Variants in RBMS3 observed in about 807,000 individuals in gnomAD.
RBMS3 encodes RNA binding motif single stranded interacting protein 3, also known as RNA-binding motif, single-stranded-interacting protein 3.
A neutral mutation model predicts 66.8 loss-of-function variants in RBMS3; 27 were observed. The ratio of observed to expected loss-of-function variants is 0.40; its 90% CI spans 0.30 to 0.56. The LOEUF (loss-of-function observed/expected upper bound fraction) is 0.56. RBMS3 is among the 20% of genes least tolerant of loss of function. The pLI, the probability that RBMS3 is intolerant of heterozygous loss-of-function variation, is 0.40. For missense variants in RBMS3, 513 were observed against 549.5 expected, an observed-to-expected ratio of 0.93 and a Z score of 0.66; for synonymous variants, 188 against 183.0, an observed-to-expected ratio of 1.03 and a Z score of -0.22.
At chr3:29,314,323 A>G (rs1005418883) in intron 1 of RBMS3, among the ~76,000 whole-genome samples, 24 of 151,690 alleles carry the variant, frequency 1.6e-4, no homozygotes, top group African/African-American at 5.8e-4. Context: ...CTCATGTATT[A>G]TGGGATTGAA....
At chr3:29,841,716 C>G (rs908965915) in intron 6 of RBMS3, among the ~76,000 whole-genome samples, 1 of 151,984 alleles carries the variant, frequency 6.6e-6, no homozygotes, top group Middle Eastern at 3.2e-3. Context: ...ATATAGAGAT[C>G]TTTTGAGACT....
intron 3 of RBMS3, among the ~76,000 whole-genome samples, chr3:29,527,034 G>T (rs1294341404): frequency 6.6e-6 from 1 of 151,944 alleles, no homozygotes; most frequent in Non-Finnish European, 1.5e-5. Flanking sequence ...GTAAAAAAGT[G>T]CAGGGGCTAT....
intron 2 of RBMS3, among the ~76,000 whole-genome samples, chr3:29,485,943 A>G (rs1047465343): frequency 9.9e-5 from 15 of 152,204 alleles, no homozygotes; most frequent in African/African-American, 3.6e-4. Context: ...AAATGAGGTT[A>G]TATACCTGAA....
intron 10 of RBMS3, among the ~76,000 whole-genome samples, chr3:29,928,079 C>G (rs1296588671): frequency 6.6e-6 from 1 of 151,366 alleles, no homozygotes; most frequent in Non-Finnish European, 1.5e-5. Context: ...TAACGCAGCT[C>G]TAGGTTGCAC....
At chr3:29,508,548 G>A (rs1052529702) in intron 3 of RBMS3, among the ~76,000 whole-genome samples, 1 of 152,078 alleles carries the variant, frequency 6.6e-6, no homozygotes, top group Non-Finnish European at 1.5e-5. Flanking sequence ...TTTTGTGGCT[G>A]CTTAGTATTC....
At chr3:29,893,413 T>G (rs1251725003) in intron 8 of RBMS3, among the ~76,000 whole-genome samples, 1 of 151,558 alleles carries the variant, frequency 6.6e-6, no homozygotes, top group East Asian at 1.9e-4. Flanking sequence ...GCTTTCATTT[T>G]TAATACTCCA....
intron 3 of RBMS3, among the ~76,000 whole-genome samples, chr3:29,557,473 G>A (rs1048505702): frequency 3.3e-5 from 5 of 152,204 alleles, no homozygotes; most frequent in South Asian, 2.1e-4. Flanking sequence ...CAAGTAAGAC[G>A]CTTAGGTAGC....
At chr3:29,961,018 A>G (rs1319160443) in intron 12 of RBMS3, among the ~76,000 whole-genome samples, 1 of 152,184 alleles carries the variant, frequency 6.6e-6, no homozygotes, top group East Asian at 1.9e-4. Flanking sequence ...TTCTGCAGCC[A>G]GCTTGAATTT....
At chr3:29,805,760 C>T (rs1163616300) in intron 6 of RBMS3, among the ~76,000 whole-genome samples, 1 of 151,780 alleles carries the variant, frequency 6.6e-6, no homozygotes, top group East Asian at 1.9e-4. Context: ...ACTAAAGAGT[C>T]AAAATTTAAA....
intron 1 of RBMS3, among the ~76,000 whole-genome samples, chr3:29,356,585 G>A (rs75049799): frequency 0.053 from 8,059 of 152,178 alleles, 312 homozygotes; most frequent in African/African-American, 0.097. Flanking sequence ...CTTGCCAAAT[G>A]TGCATATGAA....
intron 6 of RBMS3, among the ~76,000 whole-genome samples, chr3:29,853,061 GA>G (rs2058976535): frequency 6.6e-6 from 1 of 152,198 alleles, no homozygotes; most frequent in Non-Finnish European, 1.5e-5. Context: ...TGCAGGAACA[GA>G]AAATCAAATA....
chr3:29,893,425 T>C (rs550276450), intron 8 of RBMS3, among the ~76,000 whole-genome samples: 3 of 151,634 alleles, frequency 2.0e-5, no homozygotes, highest in African/African-American at 7.2e-5. Context: ...AATACTCCAA[T>C]TGGCGCATTT....
At chr3:29,649,199 A>G (rs1477135865) in intron 4 of RBMS3, among the ~76,000 whole-genome samples, 1 of 151,846 alleles carries the variant, frequency 6.6e-6, no homozygotes, top group Admixed American at 6.6e-5. Flanking sequence ...TAGTTTTTGA[A>G]TAGGTAACAT....
chr3:29,815,927 A>G (rs2057878490), intron 6 of RBMS3, among the ~76,000 whole-genome samples: 1 of 151,768 alleles, frequency 6.6e-6, no homozygotes, highest in African/African-American at 2.4e-5. Context: ...GTACTCCAAA[A>G]ACTATTGAAA....
At chr3:29,310,180 A>G (rs2125463881) in intron 1 of RBMS3, among the ~76,000 whole-genome samples, 1 of 151,828 alleles carries the variant, frequency 6.6e-6, no homozygotes, top group South Asian at 2.1e-4. Context: ...TCTTTCTTTA[A>G]GAGAGGAAGA....
intron 6 of RBMS3, among the ~76,000 whole-genome samples, chr3:29,825,607 G>T (rs938254194): frequency 7.2e-5 from 11 of 152,136 alleles, no homozygotes; most frequent in Admixed American, 1.3e-4. Flanking sequence ...ACATGACTTT[G>T]CTTCTCCTTT....
At chr3:29,640,068 G>A (rs183122616) in intron 4 of RBMS3, among the ~76,000 whole-genome samples, 1 of 151,954 alleles carries the variant, frequency 6.6e-6, no homozygotes, top group African/African-American at 2.4e-5. Flanking sequence ...CCACTGCTAT[G>A]TCACTATATT....
rs138545300 is a variant in RBMS3, at chr3:29,961,659, T to C, written c.1098+17405T>C. On this transcript the variant is annotated intron_variant, in intron 12 of 14. Coordinates refer to ENST00000383767, the MANE Select transcript of RBMS3 (RefSeq NM_001003793.3). ...TGAAGGAAATATATCCTTCTTCACA[T>C]GGTGGAAGGAAGAAGTGCCAAGCAA... Among the ~76,000 whole-genome samples, 1,081 of 152,110 alleles carry C rather than the reference T, an allele frequency of 7.1e-3. 4 individuals are homozygous for C. The highest frequency in any genetic ancestry group is 0.011 in the Non-Finnish European group (771 of 68,002).
At chr3:29,665,922 A>G (rs1025211660) in intron 4 of RBMS3, among the ~76,000 whole-genome samples, 7 of 152,188 alleles carry the variant, frequency 4.6e-5, no homozygotes, top group African/African-American at 1.7e-4. Context: ...AATTCCTTAC[A>G]ATGACTCCTC....
Sources: allele counts gnomAD v4.1 joint callset (sites outside exome capture counted in the v4.1 genomes callset), GRCh38; gene constraint gnomAD v4.1.1; transcripts MANE v1.5; gene names NCBI Gene and HGNC (gene_info 2026-07-23, HGNC 2026-07-21).